TRIM13: variants seen among roughly 807,000 people sequenced by gnomAD.
TRIM13 encodes the protein tripartite motif containing 13.
In TRIM13, 15 loss-of-function variants were observed where a neutral mutation model predicts 27.1. The observed-to-expected ratio is 0.55, with a 90% CI of 0.37 to 0.85. The LOEUF is 0.85. Among genes scored for constraint, TRIM13 ranks in the 40% least tolerant of loss-of-function variants. The probability of loss-of-function intolerance (pLI) is 0.00; values close to 1 mark genes in which losing one functional copy is unlikely to be tolerated. For synonymous variants in TRIM13, 193 were observed against 171.5 expected, an observed-to-expected ratio of 1.13 and a Z score of -0.98; for missense variants, 402 against 472.2, an observed-to-expected ratio of 0.85 and a Z score of 1.38.
At position 50,014,660 on chromosome 13, in the gene TRIM13, T is replaced by TAAAC. The variant is rs912758504; in HGVS notation, c.*1498_*1501dup. The TAAAC allele has an allele frequency of 6.0e-6, 1 of 166,910 alleles. No homozygotes were observed. Among genetic ancestry groups the TAAAC allele is most frequent in the African/African-American group, 2.4e-5 (1 of 41,472 alleles). 10.3% of individuals were successfully genotyped at this position (166,910 alleles called of 1,614,324 possible). ...GAGATAAAGATACCCTCTCATGGAA[T>TAAAC]AAACACCTTGCTTAGAATTCATATA... On this transcript the variant is annotated 3_prime_UTR_variant, in exon 2 of 2. Transcript: ENST00000378182.
Position 50,015,091 on chromosome 13 carries a change from AAAAATATATATATATATATATATAT to A in TRIM13, c.*1929_*1953del, listed in dbSNP as rs1440239657. 9.3e-4 allele frequency: 27 copies of A among 29,066 alleles called. 1 individual carries two copies. Among genetic ancestry groups the A allele is most frequent in the African/African-American group, 2.5e-3 (18 of 7,072 alleles). 1.8% of individuals were successfully genotyped at this position (29,066 alleles called of 1,614,324 possible). ...TCCCAGTAATAAAAAAAAAAAAAAA[AAAAATATATATATATATATATATAT>A]ATATATATATATATATATATATATA... is the stretch of plus-strand genomic sequence containing the variant. On this transcript the variant is annotated 3_prime_UTR_variant, in exon 2 of 2. Coordinates refer to ENST00000378182, the MANE Select transcript of TRIM13 (RefSeq NM_213590.3).
rs1876159124 is a variant in TRIM13, at chr13:50,014,701, T to C, written c.*1537T>C. The C allele has an allele frequency of 6.0e-6, 1 of 166,832 alleles. No individual in the cohort carries two copies. Among genetic ancestry groups the C allele is most frequent in the African/African-American group, 2.4e-5 (1 of 41,398 alleles). 10.3% of individuals were successfully genotyped at this position (166,832 alleles called of 1,614,324 possible). ...AATTCATATAACAAAGAAGTAACCT[T>C]ATAACTGCTCTCTAGTCTGCCTTAT... On this transcript the variant is annotated 3_prime_UTR_variant, in exon 2 of 2. Transcript: ENST00000378182.
intron 1 of TRIM13, among the ~76,000 whole-genome samples, chr13:50,006,648 T>C (rs1306731912): frequency 6.6e-6 from 1 of 152,264 alleles, no homozygotes; most frequent in African/African-American, 2.4e-5. Context: ...AGTTTGTGTG[T>C]CTTACAGCTG....
At position 50,016,312 on chromosome 13, in the gene TRIM13, A is replaced by C; in HGVS notation, c.*3148A>C. The C allele has an allele frequency of 2.4e-6, 1 of 425,500 alleles. No homozygotes were observed. Among genetic ancestry groups the C allele is most frequent in the Non-Finnish European group, 4.3e-6 (1 of 230,616 alleles). 26.4% of individuals were successfully genotyped at this position (425,500 alleles called of 1,614,324 possible). Reference sequence around the variant, plus strand: ...GAATAAATGAAGACTGCCCAGAAAAAACTGAGACTATGGACATTCAAATCA... The same window carrying C: ...GAATAAATGAAGACTGCCCAGAAAACACTGAGACTATGGACATTCAAATCA... On this transcript the variant is annotated 3_prime_UTR_variant, in exon 2 of 2. Transcript: ENST00000378182.
chr13:50,016,314 CTG>C lies in TRIM13; in HGVS notation c.*3151_*3152del. The C allele has an allele frequency of 2.4e-6, 1 of 425,524 alleles. No homozygotes were observed. Among genetic ancestry groups the C allele is most frequent in the Non-Finnish European group, 4.3e-6 (1 of 230,690 alleles). The allele number at this position is 425,524 out of a possible 1,614,324, so 26.4% of individuals were successfully genotyped here. Reference sequence around the variant, plus strand: ...ATAAATGAAGACTGCCCAGAAAAAACTGAGACTATGGACATTCAAATCATGGG... The same window carrying C: ...ATAAATGAAGACTGCCCAGAAAAAACAGACTATGGACATTCAAATCATGGG... On this transcript the variant is annotated 3_prime_UTR_variant, in exon 2 of 2. Transcript: ENST00000378182.
chr13:50,014,961 G>C lies in TRIM13; in HGVS notation c.*1797G>C, dbSNP rs1235197968. On this transcript the variant is annotated 3_prime_UTR_variant, in exon 2 of 2. Coordinates refer to ENST00000378182, the MANE Select transcript of TRIM13 (RefSeq NM_213590.3). ...GTCTCATTCCTAACATGTAATTCAT[G>C]ATTTAGCCACTAAATTTCTAAGGAG... 6.0e-6 allele frequency: 1 copy of C among 165,380 alleles called. No homozygotes were observed. The highest frequency in any genetic ancestry group is 2.4e-5 in the African/African-American group (1 of 40,824). 10.2% of individuals were successfully genotyped at this position (165,380 alleles called of 1,614,324 possible).
At chr13:50,006,941 G>A (rs1874797309) in intron 1 of TRIM13, among the ~76,000 whole-genome samples, 1 of 152,084 alleles carries the variant, frequency 6.6e-6, no homozygotes, top group Non-Finnish European at 1.5e-5. Context: ...AGCACTCTGG[G>A]AGGCTGAGGT....
At position 50,014,360 on chromosome 13, in the gene TRIM13, T is replaced by TATATATATATATATATATATATATAC. The variant is rs879170111; in HGVS notation, c.*1197_*1198insTATATATATATATATATATATATACA. The TATATATATATATATATATATATATAC allele has an allele frequency of 6.8e-5, 4 of 58,560 alleles. No homozygotes were observed. The highest frequency in any genetic ancestry group is 9.3e-5 in the Non-Finnish European group (3 of 32,102). 3.6% of individuals were successfully genotyped at this position (58,560 alleles called of 1,614,324 possible). ...AAAAAAAAAAATATATATATATATATACACACACACACACACATATGTACA... is the reference window on the plus strand; with the variant it reads ...AAAAAAAAAAATATATATATATATATATATATATATATATATATATATATACACACACACACACACACATATGTACA... On this transcript the variant is annotated 3_prime_UTR_variant, in exon 2 of 2. Transcript: ENST00000378182.
In TRIM13 at chr13:50,015,380, G is replaced by T; in HGVS notation, c.*2216G>T. 1 of 795,832 alleles carries T rather than the reference G, an allele frequency of 1.3e-6. No homozygotes were observed. The allele number at this position is 795,832 out of a possible 1,614,324, so 49.3% of individuals were successfully genotyped here. On this transcript the variant is annotated 3_prime_UTR_variant, in exon 2 of 2. Transcript: ENST00000378182. ...TCCTGGGAATCTAAGTCTGGTTTTT[G>T]TTATTCTTCCCTCCCCTCCACTGCA...
At position 50,013,208 on chromosome 13, in the gene TRIM13, G is replaced by C; in HGVS notation, c.*44G>C. ...AGTTTTCTTTTGTTAGAAATTGTTA[G>C]AGAATAGAGAGTGGTAATTCAGATT... On this transcript the variant is annotated 3_prime_UTR_variant, in exon 2 of 2. Coordinates refer to ENST00000378182, the MANE Select transcript of TRIM13 (RefSeq NM_213590.3). 1 of 1,495,366 alleles carries C rather than the reference G, an allele frequency of 6.7e-7. No homozygotes were observed. Among genetic ancestry groups the C allele is most frequent in the South Asian group, 1.4e-5 (1 of 70,674 alleles). 92.6% of individuals were successfully genotyped at this position (1,495,366 alleles called of 1,614,324 possible).
rs1555325056 is a variant in TRIM13 at position 50,014,344 on chromosome 13, A to AATAT, written c.*1194_*1197dup. ...AAAAAAAAAAAAAAAAAAAAAAAAAAATATATATATATATATACACACACA... is the reference window on the plus strand; with the variant it reads ...AAAAAAAAAAAAAAAAAAAAAAAAAAATATATATATATATATATATACACACACA... On this transcript the variant is annotated 3_prime_UTR_variant, in exon 2 of 2. Transcript: ENST00000378182. 847 of 19,654 alleles carry AATAT rather than the reference A, an allele frequency of 0.043. 35 individuals carry two copies. The highest frequency in any genetic ancestry group is 0.062 in the African/African-American group (302 of 4,882). The allele number at this position is 19,654 out of a possible 1,614,324, so 1.2% of individuals were successfully genotyped here. A position where few individuals can be genotyped will look rare whatever the true frequency, so the allele number is the denominator to read the frequency against.
chr13:50,005,101 C>G (rs1874520821), intron 1 of TRIM13, among the ~76,000 whole-genome samples: 1 of 151,872 alleles, frequency 6.6e-6, no homozygotes, highest in African/African-American at 2.4e-5. Flanking sequence ...CAACCAGAAA[C>G]CCCGAAAAAG....
In TRIM13 at chr13:50,013,284, A is replaced by T. The variant is rs145682059; in HGVS notation, c.*120A>T. On this transcript the variant is annotated 3_prime_UTR_variant, in exon 2 of 2. Transcript: ENST00000378182. ...TTCCTCCAAAAGTATTCCTTCCAAA[A>T]ATAATCTATACATGTTCAAATTAGG... The T allele has an allele frequency of 1.7e-5, 18 of 1,045,570 alleles. No homozygotes were observed. In the African/African-American group the frequency reaches 2.6e-4, roughly 15 times the overall value. The allele number at this position is 1,045,570 out of a possible 1,614,324, so 64.8% of individuals were successfully genotyped here.
In TRIM13 at chr13:50,014,866, CTAAATT is replaced by C. The variant is rs1402174475; in HGVS notation, c.*1707_*1712del. ...ATGGGGACAGGATAAAAGGTGGCAA[CTAAATT>C]TAAAGCACAGAAGAAATGATTTCCT... On this transcript the variant is annotated 3_prime_UTR_variant, in exon 2 of 2. Coordinates refer to ENST00000378182, the MANE Select transcript of TRIM13 (RefSeq NM_213590.3). The C allele has an allele frequency of 1.2e-5, 2 of 166,266 alleles. No homozygotes were observed. Among genetic ancestry groups the C allele is most frequent in the African/African-American group, 4.9e-5 (2 of 41,150 alleles). 10.3% of individuals were successfully genotyped at this position (166,266 alleles called of 1,614,324 possible).
intron 1 of TRIM13, among the ~76,000 whole-genome samples, chr13:50,010,970 A>C (rs886525891): frequency 2.0e-5 from 3 of 152,176 alleles, no homozygotes; most frequent in Non-Finnish European, 4.4e-5. Flanking sequence ...TATATTAAAA[A>C]ACTGTACACA....
At position 50,004,554 on chromosome 13, in the gene TRIM13, G is replaced by A. The variant is rs118179311; in HGVS notation, c.-7+6791G>A. 3.7e-3 allele frequency among the ~76,000 whole-genome samples: 570 copies of A among 152,214 alleles called. 2 individuals are homozygous for A. The highest frequency in any genetic ancestry group is 6.9e-3 in the Non-Finnish European group (467 of 68,002). On this transcript the variant is annotated intron_variant, in intron 1 of 1. Coordinates refer to ENST00000378182, the MANE Select transcript of TRIM13 (RefSeq NM_213590.3). ...GAGGCAGGTGAATCATTTGAGGTGA[G>A]GAGTTCAAGACCAGCCCGGCCAACA... is the stretch of plus-strand genomic sequence containing the variant.
chr13:50,004,949 A>G (rs1185396342), intron 1 of TRIM13, among the ~76,000 whole-genome samples: 106 of 149,400 alleles, frequency 7.1e-4, no homozygotes, highest in African/African-American at 2.4e-3. Context: ...GGTGGCGGGC[A>G]CCTGTAATCC....
chr13:49,998,927 CAAA>C (rs564684054), intron 1 of TRIM13, among the ~76,000 whole-genome samples: 57 of 109,072 alleles, frequency 5.2e-4, no homozygotes, highest in African/African-American at 5.8e-4. Flanking sequence ...GAGACTCTAC[CAAA>C]AAAAAAAAAA....
At chr13:50,001,940 A>G (rs940740346) in intron 1 of TRIM13, among the ~76,000 whole-genome samples, 2 of 152,188 alleles carry the variant, frequency 1.3e-5, no homozygotes, top group Non-Finnish European at 2.9e-5. Flanking sequence ...CTTTTCATAT[A>G]CCTTTTAAAA....
Sources: allele counts gnomAD v4.1 joint callset (sites outside exome capture counted in the v4.1 genomes callset), GRCh38; gene constraint gnomAD v4.1.1; transcripts MANE v1.5; gene names NCBI Gene and HGNC (gene_info 2026-07-23, HGNC 2026-07-21).